The following ESR2 variants were observed in gnomAD, a reference collection of about 807,000 sequenced individuals.
ESR2 encodes the protein estrogen receptor 2, also known as estrogen receptor beta.
In ESR2, 36 loss-of-function variants were observed where a neutral mutation model predicts 49.6. That is an observed-to-expected ratio of 0.73 (90% CI 0.56 to 0.96). The LOEUF (loss-of-function observed/expected upper bound fraction) is 0.96, where lower values mean the gene tolerates loss of function less well. Ranked by LOEUF, ESR2 falls within the 40% of genes least tolerant of loss-of-function variation. ESR2 has a pLI of 0.00. For missense variants in ESR2, 714 were observed against 693.0 expected (o/e 1.03, Z -0.34); for synonymous variants, 320 against 266.1 (o/e 1.20, Z -1.97).
chr14:64,319,203 A>G (rs911335187), intron 1 of ESR2, among the ~76,000 whole-genome samples: 2 of 152,252 alleles, frequency 1.3e-5, no homozygotes, highest in African/African-American at 4.8e-5. Context: ...GAACAACTAC[A>G]TACAACTACA....
chr14:64,311,618 G>A (rs997225695), intron 1 of ESR2, among the ~76,000 whole-genome samples: 9 of 149,928 alleles, frequency 6.0e-5, no homozygotes, highest in Non-Finnish European at 1.2e-4. Flanking sequence ...ACTCCAGCCT[G>A]GGTGACAGAG....
intron 6 of ESR2, among the ~76,000 whole-genome samples, chr14:64,256,761 CAAAA>C (rs1209380424): frequency 6.7e-6 from 1 of 148,970 alleles, no homozygotes; most frequent in South Asian, 2.1e-4. Flanking sequence ...CAAAACAAAA[CAAAA>C]AAAAACAAAA....
chr14:64,236,494 A>G (rs771379567), intron 7 of ESR2, among the ~76,000 whole-genome samples: 7 of 151,990 alleles, frequency 4.6e-5, no homozygotes, highest in Non-Finnish European at 8.8e-5. Flanking sequence ...GCTCCGTTTA[A>G]TGACTTCCCA....
At chr14:64,227,285 A>T (rs893081676), downstream of ESR2, 1 of 518,992 alleles carries the variant, frequency 1.9e-6, no homozygotes, top group African/African-American at 2.0e-5. Flanking sequence ...TGGGTGAGAC[A>T]TCTGCAAGCC....
At chr14:64,282,275 G>A (rs770474649) in intron 2 of ESR2, among the ~76,000 whole-genome samples, 1 of 152,202 alleles carries the variant, frequency 6.6e-6, no homozygotes. Context: ...AACCCAGGAG[G>A]TGAAGGTTGC....
chr14:64,337,338 G>A (rs2140914224), intron 1 of ESR2: 1 of 152,344 alleles, frequency 6.6e-6, no homozygotes, highest in African/African-American at 2.4e-5. Context: ...ATAAAAACCA[G>A]TTGAAATGGT....
chr14:64,292,355 G>A (rs1189088741), intron 1 of ESR2, among the ~76,000 whole-genome samples: 1 of 152,148 alleles, frequency 6.6e-6, no homozygotes, highest in Non-Finnish European at 1.5e-5. Context: ...GGGGACTTTT[G>A]GGGTAATGGA....
In ESR2 at chr14:64,335,123, T is replaced by C. The variant is rs557726124; in HGVS notation, c.-91+2775A>G. On this transcript the variant is annotated intron_variant, in intron 1 of 8. Transcript: ENST00000358599. ...TTCTATTGTGACAAGCCAGTAAACA[T>C]GTATAAAAATTAATGAAATAATTTT... Among the ~76,000 whole-genome samples the C allele has an allele frequency of 2.6e-4, 40 of 152,288 alleles. 1 individual carries two copies. In the South Asian group the frequency reaches 7.2e-3, roughly 28 times the overall value.
At chr14:64,253,806 A>G (rs753610198) in intron 6 of ESR2, among the ~76,000 whole-genome samples, 10 of 152,180 alleles carry the variant, frequency 6.6e-5, no homozygotes, top group Non-Finnish European at 1.5e-4. Flanking sequence ...ATTTATACAT[A>G]TACAATTCCA....
rs373067115 is a variant in ESR2 at position 64,265,592 on chromosome 14, C to G, written c.652+3203G>C. The stretch of plus-strand genomic sequence containing the variant: ...AGCAGGTATATAAAGATATGGCACC[C>G]AAAATATGTTGAGCTATTGTCCCAA... On this transcript the variant is annotated intron_variant, in intron 4 of 8. Coordinates refer to ENST00000341099, the MANE Select transcript of ESR2 (RefSeq NM_001437.3). Among the ~76,000 whole-genome samples, 17 of 152,276 alleles carry G rather than the reference C, an allele frequency of 1.1e-4. 1 individual carries two copies. In the South Asian group the frequency reaches 3.3e-3, roughly 30 times the overall value.
intron 1 of ESR2, among the ~76,000 whole-genome samples, chr14:64,320,455 G>A (rs748104304): frequency 2.4e-4 from 37 of 152,114 alleles, no homozygotes; most frequent in Non-Finnish European, 4.3e-4. Context: ...GGAATGAACA[G>A]ATGGAACACA....
chr14:64,329,618 AAAAG>A (rs144328182), intron 1 of ESR2: 95,972 of 150,464 alleles, frequency 0.64, 32,589 homozygotes, highest in African/African-American at 0.89. Flanking sequence ...CTATCAAAAA[AAAAG>A]AAAGAAAGAA....
At chr14:64,331,275 T>C (rs1208489273) in intron 1 of ESR2, among the ~76,000 whole-genome samples, 1 of 152,146 alleles carries the variant, frequency 6.6e-6, no homozygotes, top group Non-Finnish European at 1.5e-5. Flanking sequence ...ATAAGTGAGA[T>C]TTCATAACGA....
At chr14:64,311,940 G>A (rs1324902532) in intron 1 of ESR2, among the ~76,000 whole-genome samples, 1 of 152,206 alleles carries the variant, frequency 6.6e-6, no homozygotes, top group Non-Finnish European at 1.5e-5. Context: ...GAGCAAAACT[G>A]TGGGTAAATA....
chr14:64,227,052 A>C (rs1171322444), downstream of ESR2: 1 of 155,982 alleles, frequency 6.4e-6, no homozygotes, highest in African/African-American at 2.4e-5. Flanking sequence ...TAAGTCCAGT[A>C]GCATTTTACT....
chr14:64,257,225 C>T lies in ESR2; in HGVS notation c.1091+1G>A. The T allele has an allele frequency of 6.2e-7, 1 of 1,613,944 alleles. No homozygotes were observed. Among genetic ancestry groups the T allele is most frequent in the Non-Finnish European group, 8.5e-7 (1 of 1,179,906 alleles). On this transcript the variant is annotated splice_donor_variant, in intron 6 of 8. Coordinates refer to ENST00000341099, the MANE Select transcript of ESR2 (RefSeq NM_001437.3). LOFTEE classifies it high-confidence loss of function. ...AAGAAACACAATGTATTTTTTCTCA[C>T]CTGTCCAGAACAAGATCTGGAGCAA...
intron 4 of ESR2, among the ~76,000 whole-genome samples, chr14:64,264,312 G>A (rs7144250): frequency 6.6e-6 from 1 of 152,136 alleles, no homozygotes; most frequent in African/African-American, 2.4e-5. Context: ...AGTTATAGTA[G>A]AAGAAAGGGC....
At chr14:64,256,728 C>G (rs1437771605) in intron 6 of ESR2, among the ~76,000 whole-genome samples, 2 of 148,500 alleles carry the variant, frequency 1.3e-5, no homozygotes, top group African/African-American at 5.0e-5. Flanking sequence ...GACTCCATCT[C>G]AGAAAAAAAA....
At chr14:64,244,655 G>T (rs1190729453) in intron 7 of ESR2, among the ~76,000 whole-genome samples, 3 of 152,114 alleles carry the variant, frequency 2.0e-5, no homozygotes, top group South Asian at 4.1e-4. Context: ...CAAACTGAGG[G>T]TTACACCACC....
Sources: allele counts gnomAD v4.1 joint callset (sites outside exome capture counted in the v4.1 genomes callset), GRCh38; gene constraint gnomAD v4.1.1; transcripts MANE v1.5; gene names NCBI Gene and HGNC (gene_info 2026-07-23, HGNC 2026-07-21).